TOX: variants seen among roughly 807,000 people sequenced by gnomAD.
The protein encoded by TOX is thymocyte selection-associated high mobility group box protein TOX.
In TOX, 11 loss-of-function variants were observed where a neutral mutation model predicts 53.7. The observed-to-expected ratio is 0.20, with a 90% confidence interval of 0.13 to 0.34. The LOEUF (loss-of-function observed/expected upper bound fraction) is 0.34. Among genes scored for constraint, TOX ranks in the 10% least tolerant of loss-of-function variants. The pLI is 1.00. For synonymous variants in TOX, 225 were observed against 245.3 expected, an observed-to-expected ratio of 0.92 and a Z score of 0.77; for missense variants, 570 against 664.6, an observed-to-expected ratio of 0.86 and a Z score of 1.56.
intron 1 of TOX, among the ~76,000 whole-genome samples, chr8:59,039,208 G>A (rs1451046523): frequency 6.6e-6 from 1 of 152,200 alleles, no homozygotes; most frequent in Non-Finnish European, 1.5e-5. Flanking sequence ...GTCTGAGCCA[G>A]CCCGATTAAG....
chr8:58,841,667 T>A (rs1281083782), intron 4 of TOX, among the ~76,000 whole-genome samples: 2 of 152,110 alleles, frequency 1.3e-5, no homozygotes, highest in Non-Finnish European at 2.9e-5. Context: ...GTTCTCATTT[T>A]AAAAAAAGTG....
chr8:58,815,796 G>A lies in TOX; in HGVS notation c.1006-72C>T. On this transcript the variant is annotated intron_variant, in intron 6 of 8. Coordinates refer to ENST00000361421, the MANE Select transcript of TOX (RefSeq NM_014729.3). The stretch of plus-strand genomic sequence containing the variant: ...GTTGATTCAAGGTATGACGCTTTGT[G>A]AGTTTATTAAAGCACCTTCCCTGGA... 1.3e-6 allele frequency: 2 copies of A among 1,497,370 alleles called. 1 individual carries two copies. The highest frequency in any genetic ancestry group is 1.8e-6 in the Non-Finnish European group (2 of 1,122,268). 92.8% of individuals were successfully genotyped at this position (1,497,370 alleles called of 1,614,324 possible).
At chr8:59,094,107 T>G (rs984274926) in intron 1 of TOX, among the ~76,000 whole-genome samples, 6 of 152,194 alleles carry the variant, frequency 3.9e-5, no homozygotes, top group African/African-American at 1.4e-4. Flanking sequence ...TTTACAGATT[T>G]TGTAATATTC....
At chr8:58,826,992 A>T (rs2129165861) in intron 5 of TOX, 90 bp from the exon 6 acceptor site, 1 of 816,664 alleles carries the variant, frequency 1.2e-6, no homozygotes, top group South Asian at 2.2e-5. Context: ...TGCACACACA[A>T]ACACACTTAT....
chr8:58,944,866 A>C (rs1446102460), intron 2 of TOX, among the ~76,000 whole-genome samples: 1 of 152,200 alleles, frequency 6.6e-6, no homozygotes, highest in Non-Finnish European at 1.5e-5. Flanking sequence ...TGTCATTATA[A>C]AGGAATTTCA....
At chr8:59,045,719 C>T (rs927706004) in intron 1 of TOX, among the ~76,000 whole-genome samples, 13 of 152,294 alleles carry the variant, frequency 8.5e-5, no homozygotes, top group African/African-American at 3.1e-4. Context: ...CTTCATTCTA[C>T]TCCTCTCCTG....
intron 3 of TOX, among the ~76,000 whole-genome samples, chr8:58,855,116 T>C (rs554746555): frequency 1.4e-4 from 22 of 152,298 alleles, no homozygotes; most frequent in African/African-American, 4.3e-4. Flanking sequence ...GCAATGGTTG[T>C]TCTTTCTGAT....
chr8:59,020,244 A>G (rs1009881768), intron 1 of TOX, among the ~76,000 whole-genome samples: 1 of 152,192 alleles, frequency 6.6e-6, no homozygotes, highest in Non-Finnish European at 1.5e-5. Context: ...TAATGTGAAA[A>G]CTGCAGGCCC....
chr8:58,924,202 G>A (rs1418243419), intron 3 of TOX, among the ~76,000 whole-genome samples: 9 of 152,156 alleles, frequency 5.9e-5, no homozygotes, highest in Non-Finnish European at 1.5e-5. Flanking sequence ...GCTATTTTAG[G>A]TAAAAATGCA....
intron 1 of TOX, among the ~76,000 whole-genome samples, chr8:59,031,035 A>T (rs1006170600): frequency 6.6e-6 from 1 of 152,232 alleles, no homozygotes; most frequent in Admixed American, 6.5e-5. Flanking sequence ...AGAAAAAATT[A>T]TTGGGGGTAC....
chr8:58,895,071 C>A (rs546081143), intron 3 of TOX, among the ~76,000 whole-genome samples: 1 of 151,858 alleles, frequency 6.6e-6, no homozygotes, highest in African/African-American at 2.4e-5. Flanking sequence ...ACCCGTAATC[C>A]CAGCTACTCA....
At chr8:59,003,659 C>T (rs1157787568) in intron 1 of TOX, among the ~76,000 whole-genome samples, 3 of 152,186 alleles carry the variant, frequency 2.0e-5, no homozygotes, top group East Asian at 1.9e-4. Context: ...CCAGTAACTG[C>T]ACCCTAAATG....
chr8:59,092,108 T>C (rs1804616600), intron 1 of TOX, among the ~76,000 whole-genome samples: 1 of 150,026 alleles, frequency 6.7e-6, no homozygotes, highest in Non-Finnish European at 1.5e-5. Context: ...AAAAATTAGC[T>C]GGGAATGGTG....
At chr8:58,902,380 T>C (rs556199459) in intron 3 of TOX, among the ~76,000 whole-genome samples, 48 of 152,282 alleles carry the variant, frequency 3.2e-4, no homozygotes, top group African/African-American at 1.1e-3. Flanking sequence ...TCAGCAGTTC[T>C]AAATCGGTGC....
chr8:59,104,259 C>T (rs1380027309), intron 1 of TOX, among the ~76,000 whole-genome samples: 2 of 152,160 alleles, frequency 1.3e-5, no homozygotes, highest in Non-Finnish European at 2.9e-5. Context: ...CTAATCTTTT[C>T]ACGCCCCTTA....
chr8:58,986,895 C>T (rs1490101371), intron 1 of TOX, among the ~76,000 whole-genome samples: 2 of 152,208 alleles, frequency 1.3e-5, no homozygotes, highest in South Asian at 2.1e-4. Context: ...TTCCTGCAGC[C>T]TTTGGGCTTC....
At chr8:58,840,156 C>T (rs1486401609) in intron 4 of TOX, among the ~76,000 whole-genome samples, 3 of 151,964 alleles carry the variant, frequency 2.0e-5, no homozygotes, top group Admixed American at 1.3e-4. Flanking sequence ...ACCTAAGCAC[C>T]GAAAAGAGAT....
intron 1 of TOX, among the ~76,000 whole-genome samples, chr8:59,055,703 T>G (rs1803877819): frequency 6.6e-6 from 1 of 152,148 alleles, no homozygotes; most frequent in Admixed American, 6.5e-5. Flanking sequence ...AAGAAAAACA[T>G]TTTCTTCAAG....
At chr8:58,878,618 G>T (rs562125209) in intron 3 of TOX, among the ~76,000 whole-genome samples, 1 of 152,284 alleles carries the variant, frequency 6.6e-6, no homozygotes, top group Non-Finnish European at 1.5e-5. Context: ...TCTTTGATAA[G>T]AATTCTATTT....
Sources: gnomAD v4.1 joint callset for allele counts (sites outside exome capture counted in the v4.1 genomes callset) on GRCh38, gnomAD v4.1.1 for gene constraint, MANE v1.5 for transcripts, NCBI Gene and HGNC (gene_info 2026-07-23, HGNC 2026-07-21) for gene names.